RFX6: variants seen among roughly 807,000 people sequenced by gnomAD.
The protein encoded by RFX6 is DNA-binding protein RFX6.
In RFX6, 50 loss-of-function variants were observed where a neutral mutation model predicts 110.8. The ratio of observed to expected loss-of-function variants is 0.45; its 90% confidence interval spans 0.36 to 0.57. The LOEUF (loss-of-function observed/expected upper bound fraction) is 0.57, where lower values mean the gene tolerates loss of function less well. Among genes scored for constraint, RFX6 ranks in the 20% least tolerant of loss-of-function variants. RFX6 has a pLI of 0.00. For missense variants in RFX6, 990 were observed against 1,127.0 expected (o/e 0.88, Z 1.74); for synonymous variants, 383 against 411.2 (o/e 0.93, Z 0.83).
chr6:116,877,762 A>AT (rs1279299915), intron 1 of RFX6, 34 bp from the exon 2 acceptor site: 1 of 1,607,140 alleles, frequency 6.2e-7, no homozygotes, highest in Admixed American at 1.7e-5. Flanking sequence ...TTTATATTCT[A>AT]TTTTTCTTTA....
At chr6:116,895,622 A>G (rs1336518359) in intron 6 of RFX6, among the ~76,000 whole-genome samples, 1 of 150,416 alleles carries the variant, frequency 6.6e-6, no homozygotes, top group Admixed American at 6.7e-5. Context: ...ATGCTACACT[A>G]TGGTTTGTTT....
At chr6:116,901,210 A>T (rs898917040) in intron 6 of RFX6, among the ~76,000 whole-genome samples, 1 of 152,176 alleles carries the variant, frequency 6.6e-6, no homozygotes, top group South Asian at 2.1e-4. Flanking sequence ...CGCATTTTTG[A>T]CTTACAATAT....
chr6:116,885,457 T>A (rs1233172953), intron 4 of RFX6, among the ~76,000 whole-genome samples: 1 of 152,188 alleles, frequency 6.6e-6, no homozygotes, highest in African/African-American at 2.4e-5. Context: ...TCATCTCTAA[T>A]CCTTGCAATA....
At chr6:116,892,832 C>T (rs339335) in intron 4 of RFX6, among the ~76,000 whole-genome samples, 117,170 of 152,052 alleles carry the variant, frequency 0.77, 45,505 homozygotes, top group East Asian at 0.89. Context: ...TTTGTACTCC[C>T]GTCCTGGATC....
At chr6:116,883,907 A>C (rs1774645974) in intron 4 of RFX6, among the ~76,000 whole-genome samples, 1 of 152,194 alleles carries the variant, frequency 6.6e-6, no homozygotes, top group African/African-American at 2.4e-5. Flanking sequence ...TCCATGTTCA[A>C]AACCTCCACT....
At position 116,877,860 on chromosome 6, in the gene RFX6, A is replaced by G; in HGVS notation, c.288A>G (p.Lys96=). ...EEEDADNHDS[K]TKAADQYLSQ... is the part of the protein sequence containing the mutation. ...AGGACGCCGACAACCACGACAGCAA[A>G]ACCAAAGCAGCGGATCAATACCTGT... is the stretch of plus-strand genomic sequence containing the variant. The change falls in exon 2 of 19, where the codon AAA becomes AAG. Residue 96 remains lysine (K), a synonymous_variant. Coordinates refer to ENST00000332958, the MANE Select transcript of RFX6 (RefSeq NM_173560.4). The G allele has an allele frequency of 6.2e-7, 1 of 1,614,098 alleles. No homozygotes were observed. Among genetic ancestry groups the G allele is most frequent in the Non-Finnish European group, 8.5e-7 (1 of 1,180,018 alleles).
intron 4 of RFX6, among the ~76,000 whole-genome samples, chr6:116,892,454 G>C (rs907206631): frequency 6.6e-6 from 1 of 152,194 alleles, no homozygotes; most frequent in Non-Finnish European, 1.5e-5. Context: ...CCTATATTGG[G>C]CATGTCCCAA....
At chr6:116,922,998 G>A (rs1464408990) in intron 13 of RFX6, 109 bp from the exon 14 acceptor site, 1 of 760,144 alleles carries the variant, frequency 1.3e-6, no homozygotes, top group East Asian at 2.5e-5. Flanking sequence ...TAAATGCCAT[G>A]CCATCTGTCC....
chr6:116,913,972 A>T (rs1297067429), intron 7 of RFX6, among the ~76,000 whole-genome samples: 1 of 152,218 alleles, frequency 6.6e-6, no homozygotes, highest in African/African-American at 2.4e-5. Context: ...TGAATATGCA[A>T]TAGATTATTG....
chr6:116,918,133 C>T (rs1234848952), intron 10 of RFX6, 47 bp downstream of exon 10: 2 of 1,272,522 alleles, frequency 1.6e-6, no homozygotes, highest in Non-Finnish European at 2.3e-6. Context: ...TAGGATTTAA[C>T]TTTATACATT....
At chr6:116,878,531 G>A (rs1007854314) in intron 2 of RFX6, among the ~76,000 whole-genome samples, 1 of 151,816 alleles carries the variant, frequency 6.6e-6, no homozygotes, top group African/African-American at 2.4e-5. Flanking sequence ...ATTACAAATT[G>A]GATTTTGTGG....
intron 6 of RFX6, among the ~76,000 whole-genome samples, chr6:116,902,636 A>G (rs1313969398): frequency 6.6e-6 from 1 of 151,998 alleles, no homozygotes; most frequent in African/African-American, 2.4e-5. Context: ...TTTTTGTTTC[A>G]AGCAGCTAGT....
At chr6:116,901,176 G>T (rs911792807) in intron 6 of RFX6, among the ~76,000 whole-genome samples, 4 of 152,170 alleles carry the variant, frequency 2.6e-5, no homozygotes, top group African/African-American at 9.7e-5. Context: ...AAGTTATAAT[G>T]TTCAGTAAGT....
chr6:116,920,166 A>G, intron 11 of RFX6, 144 bp from the exon 12 acceptor site: 1 of 706,694 alleles, frequency 1.4e-6, no homozygotes, highest in Non-Finnish European at 2.5e-6. Context: ...CATGAGTCTC[A>G]GCTACTGCTT....
Position 116,930,379 on chromosome 6 carries a change from A to T in RFX6, c.2612-952A>T, listed in dbSNP as rs551221658. 2.0e-5 allele frequency among the ~76,000 whole-genome samples: 3 copies of T among 152,254 alleles called. No homozygotes were observed. The South Asian group carries it at 6.2e-4, about 32-fold the overall frequency. On this transcript the variant is annotated intron_variant, in intron 18 of 18. Coordinates refer to ENST00000332958, the MANE Select transcript of RFX6 (RefSeq NM_173560.4). ...AGTTAATGAATTTTATTGAGAACCG[A>T]CTAGGAGCCAGACCCCATTCTAGAT...
chr6:116,877,978 G>A (rs1774502125), intron 2 of RFX6, 26 bp downstream of exon 2: 2 of 1,610,000 alleles, frequency 1.2e-6, no homozygotes, highest in Non-Finnish European at 1.7e-6. Flanking sequence ...AGGGTACACT[G>A]AAGCACCTGT....
At chr6:116,928,283 C>A (rs558976512) in intron 17 of RFX6, among the ~76,000 whole-genome samples, 1 of 152,230 alleles carries the variant, frequency 6.6e-6, no homozygotes, top group South Asian at 2.1e-4. Context: ...CCTTGAGTCA[C>A]CAAAATAGGC....
Position 116,931,252 on chromosome 6 carries a change from G to T in RFX6, c.2612-79G>T. 3.0e-6 allele frequency: 3 copies of T among 1,011,488 alleles called. No individual in the cohort carries two copies. The South Asian group carries it at 3.8e-5, about 13-fold the overall frequency. The allele number at this position is 1,011,488 out of a possible 1,614,324, so 62.7% of individuals were successfully genotyped here. ...GTGCTAAGTGCAAAAATAAATACAG[G>T]GTATTAAAATGAGTGGCATTTGCAG... is the stretch of plus-strand genomic sequence containing the variant. On this transcript the variant is annotated intron_variant, in intron 18 of 18. Transcript: ENST00000332958.
At position 116,877,367 on chromosome 6, in the gene RFX6, A is replaced by T. The variant is rs754024859; in HGVS notation, c.92A>T (p.Gln31Leu). Residue 31 changes from glutamine (Q) to leucine (L), a missense_variant, in exon 1 of 19, where the codon CAG (glutamine) becomes CTG (leucine). Gln to Leu is a moderately radical substitution (Grantham distance 113). Coordinates refer to ENST00000332958, the MANE Select transcript of RFX6 (RefSeq NM_173560.4). Reference sequence around the variant, plus strand: ...GGGATCCAGGAAGACTGCTGTGTGCAGCTCCTGGGCAAGGGCTTGCTAGTC... The same window carrying T: ...GGGATCCAGGAAGACTGCTGTGTGCTGCTCCTGGGCAAGGGCTTGCTAGTC... ...SPGIQEDCCV[Q>L]LLGKGLLVYP... 6.2e-7 allele frequency: 1 copy of T among 1,611,818 alleles called. No homozygotes were observed. Among genetic ancestry groups the T allele is most frequent in the Non-Finnish European group, 8.5e-7 (1 of 1,179,116 alleles).
Sources: gnomAD v4.1 joint callset for allele counts (sites outside exome capture counted in the v4.1 genomes callset) on GRCh38, gnomAD v4.1.1 for gene constraint, MANE v1.5 for transcripts, NCBI Gene and HGNC (gene_info 2026-07-23, HGNC 2026-07-21) for gene names.